The following B4GALT4 variants were observed in gnomAD, a reference collection of about 807,000 sequenced individuals.
B4GALT4 encodes N-acetyllactosamine synthase.
B4GALT4 carries 27 observed loss-of-function variants against 37.3 expected under a neutral mutation model. The ratio of observed to expected loss-of-function variants is 0.72; its 90% CI spans 0.53 to 1.00. The LOEUF is 1.00. Among genes scored for constraint, B4GALT4 ranks in the 50% least tolerant of loss-of-function variants. The pLI is 0.00. For missense variants in B4GALT4, 372 were observed against 413.1 expected (o/e 0.90, Z 0.86); for synonymous variants, 148 against 154.1 (o/e 0.96, Z 0.29).
intron 6 of B4GALT4, among the ~76,000 whole-genome samples, chr3:119,216,567 C>T (rs2078300038): frequency 6.6e-6 from 1 of 150,752 alleles, no homozygotes; most frequent in East Asian, 1.9e-4. Flanking sequence ...GCGATAAGCC[C>T]AAAAAAGAAT....
rs781055534 is a variant in B4GALT4 at position 119,224,174 on chromosome 3, A to G, written c.558T>C (p.Asn186=). ...VGYLEALKEE[N]WDCFIFHDVD... is the part of the protein sequence containing the mutation. Reference sequence around the variant, plus strand: ...CATCGTGGAATATAAAGCAGTCCCAATTTTCTTCCTTGAGGGCTTCTAGAT... The same window carrying G: ...CATCGTGGAATATAAAGCAGTCCCAGTTTTCTTCCTTGAGGGCTTCTAGAT... Residue 186 remains asparagine, a synonymous_variant, in exon 5 of 8, where the codon AAT becomes AAC. Coordinates refer to ENST00000393765, the MANE Select transcript of B4GALT4 (RefSeq NM_003778.4). The G allele has an allele frequency of 4.3e-6, 7 of 1,613,650 alleles. No individual in the cohort carries two copies. Among genetic ancestry groups the G allele is most frequent in the African/African-American group, 2.7e-5 (2 of 74,828 alleles).
Position 119,230,084 on chromosome 3 carries a change from T to A in B4GALT4, c.16A>T (p.Thr6Ser), listed in dbSNP as rs757825010. The A allele has an allele frequency of 6.2e-7, 1 of 1,614,172 alleles. No individual in the cohort carries two copies. Among genetic ancestry groups the A allele is most frequent in the South Asian group, 1.1e-5 (1 of 91,084 alleles). Residue 6 changes from threonine (T) to serine (S), a missense_variant, in exon 3 of 8, where the codon ACT becomes TCT. Physicochemically the swap from Thr to Ser is moderately conservative, Grantham distance 58. Coordinates refer to ENST00000393765, the MANE Select transcript of B4GALT4 (RefSeq NM_003778.4). MGFNLTFHLSYKFRLL... is the reference protein window; with the variant it reads MGFNLSFHLSYKFRLL... ...CGGAATTTGTAGGAAAGGTGGAAAG[T>A]CAGGTTGAAGCCCATGTTTTTTATT...
At chr3:119,214,078 T>C (rs2078229963) in intron 7 of B4GALT4, 2 of 151,452 alleles carry the variant, frequency 1.3e-5, no homozygotes, top group South Asian at 4.2e-4. Flanking sequence ...TAAAAAAAAA[T>C]TAGCCAAGCA....
chr3:119,230,984 T>C (rs191593261), intron 2 of B4GALT4, among the ~76,000 whole-genome samples: 5 of 152,294 alleles, frequency 3.3e-5, no homozygotes, highest in Admixed American at 3.3e-4. Context: ...AGTTTCCTTA[T>C]CTGTAAAATG....
chr3:119,239,101 G>A (rs1320519203), intron 1 of B4GALT4, among the ~76,000 whole-genome samples: 1 of 152,156 alleles, frequency 6.6e-6, no homozygotes, highest in African/African-American at 2.4e-5. Context: ...GGAGGCAAAT[G>A]GATCACTTGG....
In B4GALT4 at chr3:119,212,503, G is replaced by T; in HGVS notation, c.*46C>A. ...TTGAAGTCTCTAGGCCAAAATTATT[G>T]CAAACAAAGAATCAGTTCTTCCAAA... On this transcript the variant is annotated 3_prime_UTR_variant, in exon 8 of 8. Coordinates refer to ENST00000393765, the MANE Select transcript of B4GALT4 (RefSeq NM_003778.4). The T allele has an allele frequency of 1.3e-6, 2 of 1,540,186 alleles. No homozygotes were observed. Among genetic ancestry groups the T allele is most frequent in the Non-Finnish European group, 1.7e-6 (2 of 1,145,990 alleles).
intron 7 of B4GALT4, 127 bp downstream of exon 7, chr3:119,216,113 G>A: frequency 3.0e-6 from 2 of 669,088 alleles, no homozygotes; most frequent in Middle Eastern, 2.6e-4. Flanking sequence ...GTGTCTGTTT[G>A]AAAATTTGCT....
chr3:119,238,263 T>TAAAA (rs35361911), intron 1 of B4GALT4, among the ~76,000 whole-genome samples: 1 of 109,070 alleles, frequency 9.2e-6, no homozygotes, highest in Admixed American at 1.0e-4. Flanking sequence ...ACCCTGTCTC[T>TAAAA]AAAAAAAAAA....
chr3:119,215,625 G>A (rs1381210551), intron 7 of B4GALT4: 2 of 152,218 alleles, frequency 1.3e-5, no homozygotes, highest in Non-Finnish European at 2.9e-5. Context: ...ATAGAGGTCA[G>A]GAGGACATAT....
At chr3:119,227,109 T>A in intron 3 of B4GALT4, 68 bp from the exon 4 acceptor site, 1 of 1,358,014 alleles carries the variant, frequency 7.4e-7, no homozygotes. Flanking sequence ...TTACACGAGC[T>A]AATATGCATA....
intron 1 of B4GALT4, among the ~76,000 whole-genome samples, chr3:119,237,359 A>G (rs1343009368): frequency 6.6e-6 from 1 of 152,244 alleles, no homozygotes; most frequent in African/African-American, 2.4e-5. Flanking sequence ...TGGTTATCAG[A>G]TGCATGAATG....
At chr3:119,240,766 C>G (rs945229503) in intron 1 of B4GALT4, 84 bp downstream of exon 1, 4 of 152,272 alleles carry the variant, frequency 2.6e-5, no homozygotes, top group African/African-American at 9.6e-5. Flanking sequence ...GGGACTGACC[C>G]CGGCCGTCGC....
rs1393589061 is a variant in B4GALT4, at chr3:119,212,534, C to A, written c.*15G>T. 1 of 1,566,462 alleles carries A rather than the reference C, an allele frequency of 6.4e-7. No homozygotes were observed. Among genetic ancestry groups the A allele is most frequent in the Admixed American group, 2.0e-5 (1 of 49,046 alleles). On this transcript the variant is annotated 3_prime_UTR_variant, in exon 8 of 8. Transcript: ENST00000393765. Reference sequence around the variant, plus strand: ...AAAGAATCAGTTCTTCCAAACATCACCAAAAGACCCAGGGTCATGCACCAA... The same window carrying A: ...AAAGAATCAGTTCTTCCAAACATCAACAAAAGACCCAGGGTCATGCACCAA...
At chr3:119,223,039 G>A (rs929674735) in intron 5 of B4GALT4, among the ~76,000 whole-genome samples, 5 of 152,198 alleles carry the variant, frequency 3.3e-5, no homozygotes, top group South Asian at 2.1e-4. Flanking sequence ...TCACACTCAC[G>A]TAGAGTACAT....
intron 7 of B4GALT4, chr3:119,213,958 C>T: frequency 6.6e-6 from 1 of 152,178 alleles, no homozygotes; most frequent in Non-Finnish European, 1.5e-5. Flanking sequence ...GGCATGGTAG[C>T]TCATGCTGTA....
At chr3:119,235,657 G>A (rs2078965432) in intron 2 of B4GALT4, among the ~76,000 whole-genome samples, 1 of 152,130 alleles carries the variant, frequency 6.6e-6, no homozygotes, top group Non-Finnish European at 1.5e-5. Context: ...ACTCCTTTAG[G>A]AGACTTCTAA....
intron 2 of B4GALT4, chr3:119,235,371 G>A (rs959645815): frequency 2.0e-5 from 3 of 152,214 alleles, no homozygotes; most frequent in Admixed American, 1.3e-4. Context: ...GCACCAAGGA[G>A]AAAGGGTGTG....
At chr3:119,232,672 T>C (rs1362439244) in intron 2 of B4GALT4, among the ~76,000 whole-genome samples, 2 of 152,196 alleles carry the variant, frequency 1.3e-5, no homozygotes, top group South Asian at 2.1e-4. Flanking sequence ...CAGTAAGTCA[T>C]CAGGTTCCTG....
rs1448182869 is a variant in B4GALT4 at position 119,229,153 on chromosome 3, C to A, written c.253+694G>T. 4.3e-4 allele frequency among the ~76,000 whole-genome samples: 65 copies of A among 152,192 alleles called. 3 individuals are homozygous for A. Among genetic ancestry groups the A allele is most frequent in the Admixed American group, 4.3e-3 (65 of 15,270 alleles). ...GGCCAAAGGAATACAACAGATGTGA[C>A]CCCACTGAGGCTTGAATGTGCTTGC... On this transcript the variant is annotated intron_variant, in intron 3 of 7. Coordinates refer to ENST00000393765, the MANE Select transcript of B4GALT4 (RefSeq NM_003778.4).
Sources: gnomAD v4.1 joint callset for allele counts (sites outside exome capture counted in the v4.1 genomes callset) on GRCh38, gnomAD v4.1.1 for gene constraint, MANE v1.5 for transcripts, NCBI Gene and HGNC (gene_info 2026-07-23, HGNC 2026-07-21) for gene names.